EP300: variants seen among roughly 807,000 people sequenced by gnomAD.
EP300 encodes EP300 lysine acetyltransferase.
EP300 carries 31 observed loss-of-function variants against 264.0 expected under a neutral mutation model. That is an observed-to-expected ratio of 0.12 (90% confidence interval 0.09 to 0.16). EP300 has a LOEUF of 0.16. EP300 is among the 10% of genes least tolerant of loss of function. The pLI is 1.00. For missense variants in EP300, 2,766 were observed against 3,052.9 expected (o/e 0.91, Z 2.21); for synonymous variants, 1,340 against 1,045.4 (o/e 1.28, Z -5.44).
rs570590936 is a variant in EP300, at chr22:41,177,684, A to G, written c.5973A>G (p.Gln1991=). ...EPGMGPTGMQ[Q]QPPWSQGGLP... ...GGATGGGACCGACAGGGATGCAGCAACAGCCACCCTGGAGCCAAGGAGGAT... is the reference window on the plus strand; with the variant it reads ...GGATGGGACCGACAGGGATGCAGCAGCAGCCACCCTGGAGCCAAGGAGGAT... Residue 1991 remains glutamine, a synonymous_variant, in exon 31 of 31, where the codon CAA becomes CAG. Transcript: ENST00000263253. The G allele has an allele frequency of 3.1e-6, 5 of 1,613,886 alleles. No individual in the cohort carries two copies. The highest frequency in any genetic ancestry group is 1.3e-5 in the African/African-American group (1 of 75,010).
At chr22:41,157,046 G>A in intron 17 of EP300, 123 bp from the exon 18 acceptor site, 7 of 1,174,434 alleles carry the variant, frequency 6.0e-6, no homozygotes, top group South Asian at 5.3e-5. Context: ...CACCTCTTGG[G>A]GAATATAGAC....
chr22:41,136,822 G>A (rs890935854), intron 7 of EP300, among the ~76,000 whole-genome samples: 2 of 152,138 alleles, frequency 1.3e-5, no homozygotes, highest in African/African-American at 4.8e-5. Flanking sequence ...CACTTTGGGA[G>A]GCCGAGGCAG....
rs2059229787 is a variant in EP300, at chr22:41,179,738, T to G, written c.*782T>G. ...GTGGTTTCTGTTTCTTGAAAGAATT[T>G]TTTTCGTTATTTTTACATCTAACAA... On this transcript the variant is annotated 3_prime_UTR_variant, in exon 31 of 31. Transcript: ENST00000263253. The G allele has an allele frequency of 4.3e-6, 1 of 230,902 alleles. No homozygotes were observed. The highest frequency in any genetic ancestry group is 8.6e-6 in the Non-Finnish European group (1 of 116,562). 14.3% of individuals were successfully genotyped at this position (230,902 alleles called of 1,614,324 possible).
At chr22:41,132,005 G>C (rs1262014870) in intron 6 of EP300, among the ~76,000 whole-genome samples, 1 of 152,040 alleles carries the variant, frequency 6.6e-6, no homozygotes, top group Non-Finnish European at 1.5e-5. Flanking sequence ...AGACCAGCCT[G>C]ACCAACATAG....
At chr22:41,139,049 G>T (rs1459979906) in intron 8 of EP300, among the ~76,000 whole-genome samples, 2 of 151,982 alleles carry the variant, frequency 1.3e-5, no homozygotes, top group African/African-American at 4.8e-5. Context: ...CGTCTCCTGG[G>T]TTCAAGCGTT....
At chr22:41,151,583 GTTA>G (rs1346060123) in intron 14 of EP300, among the ~76,000 whole-genome samples, 3 of 152,182 alleles carry the variant, frequency 2.0e-5, no homozygotes, top group Non-Finnish European at 2.9e-5. Flanking sequence ...GATAATGATA[GTTA>G]TCAATGAAAT....
chr22:41,103,219 G>A (rs556052004), intron 1 of EP300, among the ~76,000 whole-genome samples: 25 of 152,286 alleles, frequency 1.6e-4, no homozygotes, highest in Non-Finnish European at 3.2e-4. Context: ...CAGGTGTGAT[G>A]GGGGTAGTGA....
Position 41,160,710 on chromosome 22 carries a change from C to T in EP300, c.3659C>T (p.Ser1220Phe), listed in dbSNP as rs1176732027. 6.2e-7 allele frequency: 1 copy of T among 1,614,008 alleles called. No individual in the cohort carries two copies. Among genetic ancestry groups the T allele is most frequent in the African/African-American group, 1.3e-5 (1 of 75,020 alleles). The change falls in exon 20 of 31, where the codon TCC (serine) becomes TTC (phenylalanine). Residue 1220 changes from serine to phenylalanine, a missense_variant. Transcript: ENST00000263253. ...AGCGTTTCTTTGGGGGATGACCCTT[C>T]CCAGCCTCAAACGTAAGTAACTGCA... Reference protein sequence around the residue: ...GESVSLGDDPSQPQTTINKEQ... With the variant: ...GESVSLGDDPFQPQTTINKEQ...
At chr22:41,161,198 ATTG>A (rs2059106114) in intron 20 of EP300, among the ~76,000 whole-genome samples, 1 of 152,214 alleles carries the variant, frequency 6.6e-6, no homozygotes, top group South Asian at 2.1e-4. Flanking sequence ...CCAAGTCACT[ATTG>A]TAGTGAATAA....
intron 2 of EP300, among the ~76,000 whole-genome samples, chr22:41,120,498 T>C (rs9623331): frequency 0.018 from 2,694 of 152,328 alleles, 74 homozygotes; most frequent in African/African-American, 0.062. Context: ...CAGTAAGATT[T>C]GATGACTGTA....
intron 1 of EP300, among the ~76,000 whole-genome samples, chr22:41,110,097 C>T (rs2058780588): frequency 1.4e-5 from 2 of 141,124 alleles, no homozygotes; most frequent in South Asian, 2.4e-4. Context: ...GTGTGACCCA[C>T]TGTGCCCATC....
intron 22 of EP300, 30 bp downstream of exon 22, chr22:41,164,160 A>T: frequency 6.2e-7 from 1 of 1,602,882 alleles, no homozygotes; most frequent in Non-Finnish European, 8.5e-7. Flanking sequence ...CTTTCTCTGG[A>T]ATTTTTCTTT....
chr22:41,135,721 C>G, intron 6 of EP300, 92 bp from the exon 7 acceptor site: 1 of 1,024,670 alleles, frequency 9.8e-7, no homozygotes, highest in Non-Finnish European at 1.5e-6. Flanking sequence ...AATTTTTTTT[C>G]TGATTTGTCA....
intron 20 of EP300, among the ~76,000 whole-genome samples, chr22:41,162,497 G>A (rs1471686221): frequency 6.6e-6 from 1 of 152,066 alleles, no homozygotes; most frequent in East Asian, 1.9e-4. Context: ...GTTCTTCCTG[G>A]GTTCTCCATT....
In EP300 at chr22:41,096,216, A is replaced by G. The variant is rs561966117; in HGVS notation, c.94+3118A>G. On this transcript the variant is annotated intron_variant, in intron 1 of 30. Coordinates refer to ENST00000263253, the MANE Select transcript of EP300 (RefSeq NM_001429.4). ...TAAACTTTTTTTGTAAAAATGACCA[A>G]AAGACTGGAAAAGTTAATGTTAGGC... Among the ~76,000 whole-genome samples the G allele has an allele frequency of 5.1e-4, 78 of 152,306 alleles. 1 individual carries two copies. Among genetic ancestry groups the G allele is most frequent in the Non-Finnish European group, 8.1e-4 (55 of 68,030 alleles).
chr22:41,142,577 G>A (rs942557757), intron 10 of EP300, among the ~76,000 whole-genome samples: 2 of 152,028 alleles, frequency 1.3e-5, no homozygotes, highest in African/African-American at 4.8e-5. Context: ...GACTTGAGTA[G>A]TAACTAAAGA....
At chr22:41,155,183 A>G in intron 17 of EP300, 70 bp downstream of exon 17, 4 of 1,163,414 alleles carry the variant, frequency 3.4e-6, no homozygotes, top group Non-Finnish European at 5.2e-6. Flanking sequence ...GATAATTCAC[A>G]TTCCAAACAG....
Position 41,092,630 on chromosome 22 carries a change from T to TGGC in EP300, c.-366_-364dup, listed in dbSNP as rs1179693905. On this transcript the variant is annotated 5_prime_UTR_variant, in exon 1 of 31. Coordinates refer to ENST00000263253, the MANE Select transcript of EP300 (RefSeq NM_001429.4). ...ACAGCGCCGAGGAGGAAGAGGTTGA[T>TGGC]GGCGGCGGCGGAGCTCCGAGAGACC... The TGGC allele has an allele frequency of 1.6e-6, 1 of 632,992 alleles. No individual in the cohort carries two copies. Among genetic ancestry groups the TGGC allele is most frequent in the Non-Finnish European group, 2.9e-6 (1 of 349,602 alleles). The allele number at this position is 632,992 out of a possible 1,614,324, so 39.2% of individuals were successfully genotyped here.
chr22:41,110,466 T>A (rs1432339369), intron 1 of EP300, among the ~76,000 whole-genome samples: 5 of 151,386 alleles, frequency 3.3e-5, no homozygotes, highest in Non-Finnish European at 5.9e-5. Flanking sequence ...CTGATTTTTT[T>A]ATTTTTAGTA....
Sources: allele counts gnomAD v4.1 joint callset (sites outside exome capture counted in the v4.1 genomes callset), GRCh38; gene constraint gnomAD v4.1.1; transcripts MANE v1.5; gene names NCBI Gene and HGNC (gene_info 2026-07-23, HGNC 2026-07-21).